The following SLC4A10 variants were observed in gnomAD, a reference collection of about 807,000 sequenced individuals.
The protein encoded by SLC4A10 is sodium-driven chloride bicarbonate exchanger.
A neutral mutation model predicts 137.7 loss-of-function variants in SLC4A10; 42 were observed. That is an observed-to-expected ratio of 0.30 (90% CI 0.24 to 0.39). SLC4A10 has a LOEUF of 0.39. Among genes scored for constraint, SLC4A10 ranks in the 10% least tolerant of loss-of-function variants. The probability of loss-of-function intolerance (pLI) is 1.00; values close to 1 mark genes in which losing one functional copy is unlikely to be tolerated. For synonymous variants in SLC4A10, 474 were observed against 464.1 expected (o/e 1.02, Z -0.27); for missense variants, 925 against 1,355.0 (o/e 0.68, Z 4.98).
intron 1 of SLC4A10, among the ~76,000 whole-genome samples, chr2:161,726,220 A>G (rs1196518007): frequency 6.6e-6 from 1 of 152,228 alleles, no homozygotes; most frequent in African/African-American, 2.4e-5. Flanking sequence ...GAATAATAAT[A>G]GTAAGAGTAA....
intron 21 of SLC4A10, 64 bp downstream of exon 21, chr2:161,958,619 C>A: frequency 8.3e-7 from 1 of 1,202,642 alleles, no homozygotes; most frequent in South Asian, 1.4e-5. Flanking sequence ...ACTGATAAGT[C>A]ATGTGACAGC....
intron 1 of SLC4A10, among the ~76,000 whole-genome samples, chr2:161,629,010 A>C (rs1011221842): frequency 2.0e-5 from 3 of 151,958 alleles, no homozygotes; most frequent in Non-Finnish European, 4.4e-5. Context: ...TCTAACCTTG[A>C]ATGATGGTTG....
intron 2 of SLC4A10, among the ~76,000 whole-genome samples, chr2:161,790,489 G>A (rs1214631209): frequency 6.6e-6 from 1 of 152,126 alleles, no homozygotes; most frequent in Non-Finnish European, 1.5e-5. Flanking sequence ...AACTGGTGGA[G>A]CAATTCTAAG....
Position 161,770,978 on chromosome 2 carries a change from T to C in SLC4A10, c.54T>C (p.Asn18=), listed in dbSNP as rs1003784995. The C allele has an allele frequency of 4.2e-5, 67 of 1,603,048 alleles. No individual in the cohort carries two copies. Among genetic ancestry groups the C allele is most frequent in the Non-Finnish European group, 5.7e-5 (67 of 1,173,530 alleles). ...AQMEPLLPTR[N]DEEAVVDRGG... is the part of the protein sequence containing the mutation. ...TCCTTATCCTCATTTAACAGAGAAA[T>C]GATGAAGAAGCAGTTGTGGATAGAG... Residue 18 remains asparagine, a synonymous_variant, in exon 2 of 27, where the codon AAT becomes AAC. Transcript: ENST00000446997.
chr2:161,905,315 A>G (rs1021230511), intron 14 of SLC4A10, among the ~76,000 whole-genome samples: 6 of 152,188 alleles, frequency 3.9e-5, no homozygotes, highest in Non-Finnish European at 8.8e-5. Context: ...AGGAGCACAC[A>G]ATCTAGATTC....
At chr2:161,882,051 A>G (rs777617758) in intron 9 of SLC4A10, among the ~76,000 whole-genome samples, 2 of 151,818 alleles carry the variant, frequency 1.3e-5, no homozygotes, top group Non-Finnish European at 2.9e-5. Flanking sequence ...TTCCTTCTCT[A>G]AGGATCATAG....
intron 1 of SLC4A10, among the ~76,000 whole-genome samples, chr2:161,759,154 TCA>T (rs947976386): frequency 6.6e-6 from 1 of 152,000 alleles, no homozygotes; most frequent in Admixed American, 6.6e-5. Context: ...GGAAATTTTC[TCA>T]GTTTCTGTTT....
At chr2:161,905,078 T>C (rs1268130467) in intron 14 of SLC4A10, among the ~76,000 whole-genome samples, 169 bp downstream of exon 14, 1 of 152,202 alleles carries the variant, frequency 6.6e-6, no homozygotes, top group Non-Finnish European at 1.5e-5. Flanking sequence ...GTAAAATATT[T>C]ATGTATATTT....
chr2:161,662,494 G>A (rs1433505840), intron 1 of SLC4A10, among the ~76,000 whole-genome samples: 1 of 151,970 alleles, frequency 6.6e-6, no homozygotes, highest in African/African-American at 2.4e-5. Flanking sequence ...AACAATAATA[G>A]CAGTAATAAA....
At chr2:161,688,832 G>A (rs553794556) in intron 1 of SLC4A10, among the ~76,000 whole-genome samples, 4 of 151,972 alleles carry the variant, frequency 2.6e-5, no homozygotes, top group Admixed American at 1.3e-4. Flanking sequence ...CAAATGTTTC[G>A]GTCATTGAAG....
chr2:161,908,189 A>G (rs910011480), intron 15 of SLC4A10, among the ~76,000 whole-genome samples: 7 of 152,152 alleles, frequency 4.6e-5, no homozygotes, highest in African/African-American at 1.7e-4. Flanking sequence ...ACTATGGATA[A>G]TGTCAGGTCG....
At chr2:161,964,346 A>G in intron 22 of SLC4A10, 38 bp downstream of exon 22, 1 of 1,598,110 alleles carries the variant, frequency 6.3e-7, no homozygotes, top group South Asian at 1.1e-5. Context: ...TCTTTCTCTG[A>G]TTTGCTGGTC....
At chr2:161,718,650 C>T (rs1436261689) in intron 1 of SLC4A10, among the ~76,000 whole-genome samples, 2 of 152,008 alleles carry the variant, frequency 1.3e-5, no homozygotes, top group African/African-American at 2.4e-5. Context: ...TTGATTGTGC[C>T]ATGGTCTGAG....
chr2:161,946,845 T>C (rs1467882056), intron 16 of SLC4A10, among the ~76,000 whole-genome samples: 2 of 152,104 alleles, frequency 1.3e-5, no homozygotes, highest in East Asian at 1.9e-4. Flanking sequence ...GCTCATGTAG[T>C]AATTTTATTT....
chr2:161,648,544 C>A (rs1574089412), intron 1 of SLC4A10, among the ~76,000 whole-genome samples: 1 of 152,068 alleles, frequency 6.6e-6, no homozygotes, highest in East Asian at 1.9e-4. Context: ...ATATTTGAAA[C>A]AATTCATATA....
At chr2:161,840,012 A>G (rs2059081970) in intron 4 of SLC4A10, 85 bp downstream of exon 4, 2 of 1,538,438 alleles carry the variant, frequency 1.3e-6, no homozygotes, top group Admixed American at 3.4e-5. Context: ...ACAATTTTGC[A>G]AACATCTATG....
At chr2:161,764,703 A>AC (rs1467498595) in intron 1 of SLC4A10, among the ~76,000 whole-genome samples, 1 of 152,116 alleles carries the variant, frequency 6.6e-6, no homozygotes, top group African/African-American at 2.4e-5. Context: ...AATAGTTGAT[A>AC]TTTTTATGTG....
At chr2:161,882,519 G>GTCATGAAA in intron 10 of SLC4A10, 75 bp downstream of exon 10, 1 of 864,870 alleles carries the variant, frequency 1.2e-6, no homozygotes, top group Non-Finnish European at 1.7e-6. Flanking sequence ...CTCTTTTCAT[G>GTCATGAAA]ACAGTTTGTT....
intron 10 of SLC4A10, among the ~76,000 whole-genome samples, chr2:161,888,360 T>C (rs1213463633): frequency 6.6e-6 from 1 of 152,064 alleles, no homozygotes; most frequent in Admixed American, 6.6e-5. Context: ...GGGGATAGCA[T>C]TGAATCTATA....
Sources: allele counts gnomAD v4.1 joint callset (sites outside exome capture counted in the v4.1 genomes callset), GRCh38; gene constraint gnomAD v4.1.1; transcripts MANE v1.5; gene names NCBI Gene and HGNC (gene_info 2026-07-23, HGNC 2026-07-21).